ELMO1: variants seen among roughly 807,000 people sequenced by gnomAD.
ELMO1 encodes the protein engulfment and cell motility protein 1.
ELMO1 carries 26 observed loss-of-function variants against 98.9 expected under a neutral mutation model. The observed-to-expected ratio is 0.26, with a 90% CI of 0.19 to 0.36. The LOEUF is 0.36. Ranked by LOEUF, ELMO1 falls within the 10% of genes least tolerant of loss-of-function variation. The probability of loss-of-function intolerance (pLI) is 1.00; values close to 1 mark genes in which losing one functional copy is unlikely to be tolerated. For synonymous variants in ELMO1, 346 were observed against 346.0 expected, an observed-to-expected ratio of 1.00 and a Z score of 0.00; for missense variants, 627 against 935.2, an observed-to-expected ratio of 0.67 and a Z score of 4.30.
intron 4 of ELMO1, among the ~76,000 whole-genome samples, chr7:37,312,568 G>A (rs1293054826): frequency 6.6e-6 from 1 of 152,112 alleles, no homozygotes; most frequent in Non-Finnish European, 1.5e-5. Flanking sequence ...CTATATCCAA[G>A]TCCCACTCAC....
At chr7:36,871,618 A>C (rs962078608) in intron 19 of ELMO1, among the ~76,000 whole-genome samples, 1 of 152,196 alleles carries the variant, frequency 6.6e-6, no homozygotes, top group Non-Finnish European at 1.5e-5. Flanking sequence ...TTAATGATGA[A>C]GATGATGAGA....
intron 15 of ELMO1, among the ~76,000 whole-genome samples, chr7:37,077,705 G>A (rs1159720938): frequency 6.6e-6 from 1 of 152,184 alleles, no homozygotes; most frequent in Non-Finnish European, 1.5e-5. Context: ...ACTGAAGATG[G>A]CAGCAAGTTT....
chr7:36,939,921 T>G (rs1350058442), intron 16 of ELMO1, among the ~76,000 whole-genome samples: 1 of 152,258 alleles, frequency 6.6e-6, no homozygotes, highest in Non-Finnish European at 1.5e-5. Flanking sequence ...CAAACCAGTA[T>G]GAATGAATTC....
intron 8 of ELMO1, among the ~76,000 whole-genome samples, chr7:37,225,564 T>TA (rs1173039435): frequency 6.6e-6 from 1 of 152,148 alleles, no homozygotes; most frequent in African/African-American, 2.4e-5. Flanking sequence ...GCCACTCTCT[T>TA]AAACGAAAAA....
At chr7:37,307,890 T>C (rs928709502) in intron 4 of ELMO1, among the ~76,000 whole-genome samples, 10 of 152,126 alleles carry the variant, frequency 6.6e-5, no homozygotes, top group African/African-American at 2.4e-4. Context: ...GGCGGGCAGA[T>C]TACCTGAGGT....
intron 16 of ELMO1, among the ~76,000 whole-genome samples, chr7:36,980,375 C>T (rs570870145): frequency 7.2e-5 from 11 of 152,234 alleles, no homozygotes; most frequent in African/African-American, 2.2e-4. Context: ...CTGGAAAGAC[C>T]GTTATTTTCA....
intron 16 of ELMO1, among the ~76,000 whole-genome samples, chr7:36,935,879 G>A (rs1786484691): frequency 6.6e-6 from 1 of 152,160 alleles, no homozygotes; most frequent in African/African-American, 2.4e-5. Context: ...CTTACAAGCT[G>A]TGTGATTTTG....
Position 37,199,856 on chromosome 7 carries a change from C to A in ELMO1, c.1086+11530G>T, listed in dbSNP as rs1380201188. ...AGTGGGAGTTCTTGATCTCTCTGCA[C>A]CCCTAGGAAGTATGATGATGCTACA... On this transcript the variant is annotated intron_variant, in intron 13 of 21. Coordinates refer to ENST00000310758, the MANE Select transcript of ELMO1 (RefSeq NM_014800.11). Among the ~76,000 whole-genome samples, 7 of 152,124 alleles carry A rather than the reference C, an allele frequency of 4.6e-5. No individual in the cohort carries two copies. The South Asian group carries it at 6.2e-4, about 14-fold the overall frequency.
intron 16 of ELMO1, among the ~76,000 whole-genome samples, chr7:36,912,498 C>G (rs566912358): frequency 6.6e-6 from 1 of 152,096 alleles, no homozygotes; most frequent in Admixed American, 6.5e-5. Flanking sequence ...CAAATCCAAA[C>G]GGATTTATTT....
chr7:37,334,283 T>C (rs1800278319), intron 2 of ELMO1, among the ~76,000 whole-genome samples: 1 of 152,002 alleles, frequency 6.6e-6, no homozygotes, highest in Admixed American at 6.6e-5. Flanking sequence ...CTGTCTCTAC[T>C]AAAAATACAA....
intron 14 of ELMO1, among the ~76,000 whole-genome samples, chr7:37,121,124 C>T (rs990707164): frequency 3.3e-5 from 5 of 152,034 alleles, no homozygotes; most frequent in African/African-American, 9.7e-5. Flanking sequence ...ACCCCATCTG[C>T]ACGTCACCAT....
intron 5 of ELMO1, among the ~76,000 whole-genome samples, chr7:37,267,038 TACACACACAC>T (rs60344761): frequency 0.016 from 1,598 of 100,294 alleles, 83 homozygotes; most frequent in Middle Eastern, 0.051. Flanking sequence ...TATGTATATA[TACACACACAC>T]ACACACACAC....
intron 16 of ELMO1, among the ~76,000 whole-genome samples, chr7:36,952,368 G>A (rs1788038638): frequency 6.6e-6 from 1 of 152,194 alleles, no homozygotes; most frequent in African/African-American, 2.4e-5. Context: ...TGGAGCTGGT[G>A]ATGGAAGCAC....
intron 7 of ELMO1, among the ~76,000 whole-genome samples, chr7:37,240,222 A>G (rs1031257343): frequency 1.3e-5 from 2 of 151,818 alleles, no homozygotes; most frequent in African/African-American, 2.4e-5. Flanking sequence ...ATTTTGTTGT[A>G]GAGATAGGTT....
At chr7:36,982,595 T>C (rs931521985) in intron 16 of ELMO1, among the ~76,000 whole-genome samples, 3 of 152,216 alleles carry the variant, frequency 2.0e-5, no homozygotes, top group Admixed American at 6.5e-5. Flanking sequence ...CGTATAATAC[T>C]AGAAAGTGCA....
At chr7:37,234,796 A>G (rs1357613580) in intron 7 of ELMO1, among the ~76,000 whole-genome samples, 1 of 152,240 alleles carries the variant, frequency 6.6e-6, no homozygotes, top group Non-Finnish European at 1.5e-5. Context: ...AATTGTAAGT[A>G]GCGTGTGAGT....
At chr7:36,866,425 C>T (rs531689741) in intron 20 of ELMO1, among the ~76,000 whole-genome samples, 5 of 152,320 alleles carry the variant, frequency 3.3e-5, no homozygotes, top group Non-Finnish European at 4.4e-5. Context: ...CCAGCTACCC[C>T]ATTTAGTCCT....
At chr7:37,250,263 G>A (rs566067753) in intron 6 of ELMO1, among the ~76,000 whole-genome samples, 4 of 151,972 alleles carry the variant, frequency 2.6e-5, no homozygotes, top group Non-Finnish European at 5.9e-5. Context: ...AAAATGACAG[G>A]GGAGAATAAT....
At chr7:37,329,614 C>T (rs1016263887) in intron 2 of ELMO1, among the ~76,000 whole-genome samples, 3 of 152,210 alleles carry the variant, frequency 2.0e-5, no homozygotes, top group Admixed American at 2.0e-4. Flanking sequence ...GATATGCTGA[C>T]ACCTGAACAA....
Sources: allele counts gnomAD v4.1 joint callset (sites outside exome capture counted in the v4.1 genomes callset), GRCh38; gene constraint gnomAD v4.1.1; transcripts MANE v1.5; gene names NCBI Gene and HGNC (gene_info 2026-07-23, HGNC 2026-07-21).